RABEP1: variants seen among roughly 807,000 people sequenced by gnomAD.
RABEP1 encodes rabaptin, RAB GTPase binding effector protein 1.
A neutral mutation model predicts 123.4 loss-of-function variants in RABEP1; 51 were observed. That is an observed-to-expected ratio of 0.41 (90% CI 0.33 to 0.52). RABEP1 has a LOEUF of 0.52. Among genes scored for constraint, RABEP1 ranks in the 20% least tolerant of loss-of-function variants. RABEP1 has a pLI of 0.16. For synonymous variants in RABEP1, 347 were observed against 355.2 expected (o/e 0.98, Z 0.26); for missense variants, 888 against 996.3 (o/e 0.89, Z 1.46).
At chr17:5,373,167 G>C (rs1910659151) in intron 12 of RABEP1, 147 bp from the exon 13 acceptor site, 1 of 601,854 alleles carries the variant, frequency 1.7e-6, no homozygotes, top group Non-Finnish European at 2.6e-6. Flanking sequence ...GAAAATCTCT[G>C]TGCAGCTTTT....
chr17:5,328,714 A>G (rs978393015), intron 2 of RABEP1, among the ~76,000 whole-genome samples: 7 of 141,988 alleles, frequency 4.9e-5, no homozygotes, highest in Admixed American at 7.3e-5. Context: ...GCACTTTGGG[A>G]GGCCGAGGCA....
chr17:5,294,190 G>A (rs2075058909), intron 1 of RABEP1, among the ~76,000 whole-genome samples: 2 of 152,162 alleles, frequency 1.3e-5, no homozygotes, highest in African/African-American at 4.8e-5. Flanking sequence ...GAGGTCAGGA[G>A]TTCGAGACCA....
intron 6 of RABEP1, among the ~76,000 whole-genome samples, chr17:5,348,035 T>C (rs896314103): frequency 1.3e-5 from 2 of 152,134 alleles, no homozygotes; most frequent in African/African-American, 2.4e-5. Context: ...TGGAGTGCAG[T>C]GGTGTGATCT....
At position 5,373,543 on chromosome 17, in the gene RABEP1, T is replaced by C. The variant is rs930972119; in HGVS notation, c.2025+89T>C. 5.1e-6 allele frequency: 7 copies of C among 1,376,630 alleles called. No individual in the cohort carries two copies. In the Admixed American group the frequency reaches 6.9e-5, roughly 14 times the overall value. 85.3% of individuals were successfully genotyped at this position (1,376,630 alleles called of 1,614,324 possible). A position where few individuals can be genotyped will look rare whatever the true frequency, so the allele number is the denominator to read the frequency against. On this transcript the variant is annotated intron_variant, in intron 13 of 17. Coordinates refer to ENST00000537505, the MANE Select transcript of RABEP1 (RefSeq NM_004703.6). ...CTTTATGTAAACAGTTTTATTCAGATATAATTCACGTGCCAATTCAACCAT... is the reference window on the plus strand; with the variant it reads ...CTTTATGTAAACAGTTTTATTCAGACATAATTCACGTGCCAATTCAACCAT...
At chr17:5,323,772 A>ATCTAGGAATATATATATATG (rs1567522097) in intron 2 of RABEP1, among the ~76,000 whole-genome samples, 1 of 97,266 alleles carries the variant, frequency 1.0e-5, no homozygotes, top group Non-Finnish European at 2.0e-5. Context: ...ATATATATAT[A>ATCTAGGAATATATATATATG]TCTAGGAATA....
chr17:5,343,672 T>C (rs866406762), intron 5 of RABEP1, among the ~76,000 whole-genome samples: 3 of 77,754 alleles, frequency 3.9e-5, no homozygotes, highest in African/African-American at 6.9e-5. Context: ...TCTTTTCTCT[T>C]TTTTTTTTTT....
chr17:5,319,337 AAAAAC>A (rs2075329628), intron 2 of RABEP1, among the ~76,000 whole-genome samples: 4 of 117,520 alleles, frequency 3.4e-5, no homozygotes, highest in Non-Finnish European at 6.9e-5. Flanking sequence ...CAAAAAAAAA[AAAAAC>A]AAAAAAACAA....
intron 1 of RABEP1, among the ~76,000 whole-genome samples, chr17:5,306,489 G>A (rs2075180466): frequency 6.6e-6 from 1 of 152,062 alleles, no homozygotes; most frequent in African/African-American, 2.4e-5. Flanking sequence ...TTAGCTGGGC[G>A]TGGTGGCATG....
chr17:5,320,008 A>AAT (rs2075337664), intron 2 of RABEP1, among the ~76,000 whole-genome samples: 1 of 152,180 alleles, frequency 6.6e-6, no homozygotes, highest in African/African-American at 2.4e-5. Flanking sequence ...GAAGGATATA[A>AAT]ATATCCACAT....
intron 1 of RABEP1, among the ~76,000 whole-genome samples, chr17:5,286,451 G>A (rs1185848787): frequency 6.6e-6 from 1 of 152,062 alleles, no homozygotes; most frequent in Admixed American, 6.6e-5. Context: ...CCGAGATCGT[G>A]CCACTGCACT....
chr17:5,292,717 C>G (rs1195307682), intron 1 of RABEP1, among the ~76,000 whole-genome samples: 1 of 152,104 alleles, frequency 6.6e-6, no homozygotes, highest in Non-Finnish European at 1.5e-5. Context: ...GGGTCTTGCT[C>G]TGTGGCTGGA....
chr17:5,356,739 C>T (rs1909049790), intron 8 of RABEP1, among the ~76,000 whole-genome samples: 1 of 151,474 alleles, frequency 6.6e-6, no homozygotes, highest in African/African-American at 2.4e-5. Context: ...CAGCCTTGAC[C>T]TCCCGGGCTC....
In RABEP1 at chr17:5,375,594, A is replaced by G. The variant is rs145442007; in HGVS notation, c.2026-1522A>G. Among the ~76,000 whole-genome samples the G allele has an allele frequency of 1.8e-4, 28 of 152,176 alleles. No homozygotes were observed. The East Asian group carries it at 4.4e-3, about 24-fold the overall frequency. ...ACTTGTAGTAGTCCCAGCTACAACT[A>G]CTTGGGAGGCTGAGGTGGGAGGGGT... is the stretch of plus-strand genomic sequence containing the variant. On this transcript the variant is annotated intron_variant, in intron 13 of 17. Transcript: ENST00000537505.
At chr17:5,358,410 A>C (rs547447408) in intron 8 of RABEP1, among the ~76,000 whole-genome samples, 1 of 151,998 alleles carries the variant, frequency 6.6e-6, no homozygotes, top group African/African-American at 2.4e-5. Flanking sequence ...GTGGCTCACA[A>C]GTGTAATCGC....
At chr17:5,315,970 T>C (rs2075291299) in intron 2 of RABEP1, among the ~76,000 whole-genome samples, 1 of 152,150 alleles carries the variant, frequency 6.6e-6, no homozygotes, top group Admixed American at 6.5e-5. Flanking sequence ...ACAATTACAA[T>C]GACAGGAGAT....
At chr17:5,299,619 C>T (rs1388555331) in intron 1 of RABEP1, among the ~76,000 whole-genome samples, 1 of 151,134 alleles carries the variant, frequency 6.6e-6, no homozygotes, top group East Asian at 1.9e-4. Context: ...TTATTTTTGC[C>T]TTGTGACCCA....
In RABEP1 at chr17:5,361,428, T is replaced by C; in HGVS notation, c.1316T>C (p.Phe439Ser). Reference protein sequence around the residue: ...KSAGNLDESDFGPLVGADSVS... With the variant: ...KSAGNLDESDSGPLVGADSVS... ...GCTGGAAACCTGGACGAGTCAGATT[T>C]TGGACCACTGGTAGGAGCAGATTCA... Residue 439 changes from phenylalanine to serine, a missense_variant, in exon 9 of 18, where the codon TTT becomes TCT. Coordinates refer to ENST00000537505, the MANE Select transcript of RABEP1 (RefSeq NM_004703.6). 1 of 1,614,174 alleles carries C rather than the reference T, an allele frequency of 6.2e-7. No individual in the cohort carries two copies. The highest frequency in any genetic ancestry group is 8.5e-7 in the Non-Finnish European group (1 of 1,180,018).
Position 5,384,778 on chromosome 17 carries a change from T to TA in RABEP1, c.*1558dup. The stretch of plus-strand genomic sequence containing the variant: ...ACATGAAACATTATTTTAATTGGTT[T>TA]AAAGTCCCTTTATAAAGAGTGCTAC... On this transcript the variant is annotated 3_prime_UTR_variant, in exon 18 of 18. Coordinates refer to ENST00000537505, the MANE Select transcript of RABEP1 (RefSeq NM_004703.6). The TA allele has an allele frequency of 4.6e-6, 1 of 215,122 alleles. No homozygotes were observed. The highest frequency in any genetic ancestry group is 2.2e-5 in the African/African-American group (1 of 44,504). 13.3% of individuals were successfully genotyped at this position (215,122 alleles called of 1,614,324 possible). A position where few individuals can be genotyped will look rare whatever the true frequency, so the allele number is the denominator to read the frequency against.
chr17:5,313,733 C>T (rs2075267406), intron 2 of RABEP1, among the ~76,000 whole-genome samples: 1 of 152,158 alleles, frequency 6.6e-6, no homozygotes, highest in African/African-American at 2.4e-5. Flanking sequence ...TCAGTAAACT[C>T]AGTTGGCCAC....
Sources: allele counts gnomAD v4.1 joint callset (sites outside exome capture counted in the v4.1 genomes callset), GRCh38; gene constraint gnomAD v4.1.1; transcripts MANE v1.5; gene names NCBI Gene and HGNC (gene_info 2026-07-23, HGNC 2026-07-21).